Variants in GRP observed in about 807,000 individuals in gnomAD.
GRP encodes the protein gastrin-releasing peptide.
In GRP, 11 loss-of-function variants were observed where a neutral mutation model predicts 12.7. That is an observed-to-expected ratio of 0.87 (90% CI 0.55 to 1.44). The LOEUF (loss-of-function observed/expected upper bound fraction) is 1.44, where lower values mean the gene tolerates loss of function less well. Among genes scored for constraint, GRP ranks in the 40% most tolerant of loss-of-function variants. The pLI, the probability that GRP is intolerant of heterozygous loss-of-function variation, is 0.00. For synonymous variants in GRP, 84 were observed against 77.7 expected (o/e 1.08, Z -0.43); for missense variants, 212 against 185.4 (o/e 1.14, Z -0.83).
chr18:59,225,543 G>C lies in GRP; in HGVS notation c.191G>C (p.Arg64Thr), dbSNP rs143274265. ...STGESSSVSE[R>T]GSLKQQLREY... ...GGGGAGTCTTCTTCTGTTTCTGAGAGAGGGAGCCTGAAGCAGCAGCTGAGA... is the reference window on the plus strand; with the variant it reads ...GGGGAGTCTTCTTCTGTTTCTGAGACAGGGAGCCTGAAGCAGCAGCTGAGA... Residue 64 changes from arginine (R) to threonine (T), a missense_variant, in exon 2 of 3, where the codon AGA becomes ACA. Physicochemically the swap from Arg to Thr is moderately conservative, Grantham distance 71 (BLOSUM62 -1). Transcript: ENST00000256857. The C allele has an allele frequency of 1.0e-4, 161 of 1,613,968 alleles. No individual in the cohort carries two copies. In the African/African-American group the frequency reaches 2.0e-3, roughly 20 times the overall value.
chr18:59,220,361 C>A lies in GRP; in HGVS notation c.96C>A (p.Thr32=), dbSNP rs1406834405. ...RAVPLPAGGG[T]VLTKMYPRGN... ...TCCCGCTGCCTGCGGGCGGAGGGAC[C>A]GTGCTGACCAAGATGTACCCGCGCG... is the stretch of plus-strand genomic sequence containing the variant. Residue 32 remains threonine (T), a synonymous_variant, in exon 1 of 3, where the codon ACC becomes ACA. Transcript: ENST00000256857. 32 of 1,462,390 alleles carry A rather than the reference C, an allele frequency of 2.2e-5. No homozygotes were observed. The highest frequency in any genetic ancestry group is 2.0e-4 in the Admixed American group (8 of 40,380). 90.6% of individuals were successfully genotyped at this position (1,462,390 alleles called of 1,614,324 possible).
At chr18:59,224,152 A>G (rs1563713) in intron 1 of GRP, among the ~76,000 whole-genome samples, 66,053 of 152,024 alleles carry the variant, frequency 0.43, 15,250 homozygotes, top group East Asian at 0.65. Context: ...GTTAGAAGAC[A>G]TTGCCAAGCA....
At chr18:59,222,106 T>G (rs1424634524) in intron 1 of GRP, among the ~76,000 whole-genome samples, 3 of 152,200 alleles carry the variant, frequency 2.0e-5, no homozygotes, top group African/African-American at 7.2e-5. Flanking sequence ...GCTGGAAAGA[T>G]GGAATGAAAG....
intron 2 of GRP, among the ~76,000 whole-genome samples, chr18:59,227,740 C>T (rs2069966583): frequency 6.6e-6 from 1 of 152,198 alleles, no homozygotes; most frequent in Admixed American, 6.5e-5. Context: ...TTTCCTCAAC[C>T]TGGCTCTGCA....
At chr18:59,219,922 C>T (rs1351734359), upstream of GRP, among the ~76,000 whole-genome samples, 1 of 152,034 alleles carries the variant, frequency 6.6e-6, no homozygotes, top group Non-Finnish European at 1.5e-5. Flanking sequence ...CGTCGAGGAC[C>T]GGAGGAATTA....
intron 2 of GRP, among the ~76,000 whole-genome samples, chr18:59,227,997 G>C (rs969558590): frequency 7.2e-5 from 11 of 152,098 alleles, no homozygotes; most frequent in Non-Finnish European, 1.6e-4. Context: ...AAAAAATCAG[G>C]CTTTGCTTTT....
rs535775593 is a variant in GRP at position 59,220,348 on chromosome 18, C to A, written c.83C>A (p.Ala28Glu). ...CGGGGGCGAGCGGTCCCGCTGCCTG[C>A]GGGCGGAGGGACCGTGCTGACCAAG... ...APRGRAVPLPAGGGTVLTKMY... is the reference protein window; with the variant it reads ...APRGRAVPLPEGGGTVLTKMY... The change falls in exon 1 of 3, where the codon GCG (alanine) becomes GAG (glutamate). Residue 28 changes from alanine (A) to glutamate (E), a missense_variant. Transcript: ENST00000256857. 54 of 1,479,916 alleles carry A rather than the reference C, an allele frequency of 3.6e-5. No individual in the cohort carries two copies. The highest frequency in any genetic ancestry group is 2.7e-5 in the Non-Finnish European group (30 of 1,118,518). The allele number at this position is 1,479,916 out of a possible 1,614,324, so 91.7% of individuals were successfully genotyped here.
chr18:59,230,148 G>A (rs1451094393), intron 2 of GRP, among the ~76,000 whole-genome samples: 1 of 152,160 alleles, frequency 6.6e-6, no homozygotes, highest in Admixed American at 6.5e-5. Flanking sequence ...AAAAAAAGTA[G>A]AAGTTAATTT....
intron 2 of GRP, among the ~76,000 whole-genome samples, chr18:59,227,979 G>T (rs1250857026): frequency 1.3e-5 from 2 of 151,294 alleles, no homozygotes; most frequent in Non-Finnish European, 2.9e-5. Context: ...TCATCAAAAA[G>T]ATGATAAAAA....
Position 59,220,396 on chromosome 18 carries a change from G to T in GRP, c.131G>T (p.Trp44Leu). 7.2e-7 allele frequency: 1 copy of T among 1,386,370 alleles called. No individual in the cohort carries two copies. 85.9% of individuals were successfully genotyped at this position (1,386,370 alleles called of 1,614,324 possible). A position where few individuals can be genotyped will look rare whatever the true frequency, so the allele number is the denominator to read the frequency against. ...AAGATGTACCCGCGCGGCAACCACT[G>T]GGCGGTGGGTGAGTGTCCTGGCCGC... The part of the protein sequence containing the change: ...LTKMYPRGNH[W>L]AVGHLMGKKS... The change falls in exon 1 of 3, where the codon TGG (tryptophan) becomes TTG (leucine). Residue 44 changes from tryptophan (W) to leucine (L), a missense_variant. Coordinates refer to ENST00000256857, the MANE Select transcript of GRP (RefSeq NM_002091.5).
chr18:59,219,680 C>A (rs1041444622), upstream of GRP, among the ~76,000 whole-genome samples: 94 of 152,208 alleles, frequency 6.2e-4, no homozygotes, highest in African/African-American at 2.2e-3. Context: ...AAGATGTGGC[C>A]TACGAAGAGA....
chr18:59,224,823 G>T (rs1025883688), intron 1 of GRP, among the ~76,000 whole-genome samples: 1 of 152,162 alleles, frequency 6.6e-6, no homozygotes, highest in African/African-American at 2.4e-5. Context: ...CATTTATGCG[G>T]CTGTAAAGTG....
At position 59,230,448 on chromosome 18, in the gene GRP, C is replaced by T. The variant is rs1204800563; in HGVS notation, c.427C>T (p.Pro143Ser). The change falls in exon 3 of 3, where the codon CCC becomes TCC. Residue 143 changes from proline to serine, a missense_variant. Physicochemically the swap from Pro to Ser is moderately conservative, Grantham distance 74. Coordinates refer to ENST00000256857, the MANE Select transcript of GRP (RefSeq NM_002091.5). ...APGSQREGRN[P>S]QLNQQ ...AGGTTCTCAACGTGAAGGAAGGAAC[C>T]CCCAGCTGAACCAGCAATGATAATG... 4 of 1,594,580 alleles carry T rather than the reference C, an allele frequency of 2.5e-6. No homozygotes were observed. Among genetic ancestry groups the T allele is most frequent in the Admixed American group, 3.3e-5 (2 of 59,966 alleles).
chr18:59,226,130 A>G (rs2069917211), intron 2 of GRP, among the ~76,000 whole-genome samples: 1 of 152,098 alleles, frequency 6.6e-6, no homozygotes. Context: ...CTGTTTTTAG[A>G]AGACAGCATT....
chr18:59,219,481 GGGGAGGGTAT>G (rs1171833166), upstream of GRP, among the ~76,000 whole-genome samples: 2 of 81,094 alleles, frequency 2.5e-5, no homozygotes, highest in African/African-American at 5.1e-5. Context: ...GTGGAGGGGA[GGGGAGGGTAT>G]GGGAGTGGAG....
chr18:59,221,904 C>T lies in GRP; in HGVS notation c.139+1500C>T, dbSNP rs113422302. ...GAGAGGATGTGTGATCGCTGAGGGACAGGAGGAACCCAGCAGTCTGGTGTG... is the reference window on the plus strand; with the variant it reads ...GAGAGGATGTGTGATCGCTGAGGGATAGGAGGAACCCAGCAGTCTGGTGTG... On this transcript the variant is annotated intron_variant, in intron 1 of 2. Transcript: ENST00000256857. Among the ~76,000 whole-genome samples the T allele has an allele frequency of 6.6e-3, 1,000 of 152,166 alleles. 15 individuals carry two copies. Among genetic ancestry groups the T allele is most frequent in the African/African-American group, 0.022 (926 of 41,498 alleles).
chr18:59,220,388 C>A lies in GRP; in HGVS notation c.123C>A (p.Gly41=), dbSNP rs1248594632. 19 of 1,408,300 alleles carry A rather than the reference C, an allele frequency of 1.3e-5. No individual in the cohort carries two copies. The highest frequency in any genetic ancestry group is 1.7e-5 in the Non-Finnish European group (18 of 1,079,646). The allele number at this position is 1,408,300 out of a possible 1,614,324, so 87.2% of individuals were successfully genotyped here. A position where few individuals can be genotyped will look rare whatever the true frequency, so the allele number is the denominator to read the frequency against. Residue 41 remains glycine, a synonymous_variant, in exon 1 of 3, where the codon GGC becomes GGA. Coordinates refer to ENST00000256857, the MANE Select transcript of GRP (RefSeq NM_002091.5). ...GTVLTKMYPR[G]NHWAVGHLMG... is the part of the protein sequence containing the mutation. ...TGCTGACCAAGATGTACCCGCGCGG[C>A]AACCACTGGGCGGTGGGTGAGTGTC...
Position 59,230,495 on chromosome 18 carries a change from A to G in GRP, c.*27A>G. 4.6e-6 allele frequency: 6 copies of G among 1,307,340 alleles called. No homozygotes were observed. The highest frequency in any genetic ancestry group is 6.7e-6 in the Non-Finnish European group (6 of 899,624). 81.0% of individuals were successfully genotyped at this position (1,307,340 alleles called of 1,614,324 possible). A position where few individuals can be genotyped will look rare whatever the true frequency, so the allele number is the denominator to read the frequency against. Reference sequence around the variant, plus strand: ...AATGATGGCCTCTCTCAAAAGAGAAAAACAAAACCCCTAAGAGACTGCGTT... The same window carrying G: ...AATGATGGCCTCTCTCAAAAGAGAAGAACAAAACCCCTAAGAGACTGCGTT... On this transcript the variant is annotated 3_prime_UTR_variant, in exon 3 of 3. Transcript: ENST00000256857.
chr18:59,230,259 T>G, intron 2 of GRP, 145 bp from the exon 3 acceptor site: 1 of 591,342 alleles, frequency 1.7e-6, no homozygotes, highest in East Asian at 2.8e-5. Context: ...CCAGAGTTTC[T>G]GATTTAGTAG....
Sources: allele counts gnomAD v4.1 joint callset (sites outside exome capture counted in the v4.1 genomes callset), GRCh38; gene constraint gnomAD v4.1.1; transcripts MANE v1.5; gene names NCBI Gene and HGNC (gene_info 2026-07-23, HGNC 2026-07-21).